The following PPP1R37 variants were observed in gnomAD, a reference collection of about 807,000 sequenced individuals.
PPP1R37 encodes the protein leucine rich repeat containing 68.
A neutral mutation model predicts 61.0 loss-of-function variants in PPP1R37; 21 were observed. The ratio of observed to expected loss-of-function variants is 0.34; its 90% CI spans 0.24 to 0.50. PPP1R37 has a LOEUF of 0.50. Among genes scored for constraint, PPP1R37 ranks in the 20% least tolerant of loss-of-function variants. The probability of loss-of-function intolerance (pLI) is 0.98; values close to 1 mark genes in which losing one functional copy is unlikely to be tolerated. For missense variants in PPP1R37, 910 were observed against 952.7 expected (o/e 0.96, Z 0.59); for synonymous variants, 443 against 433.5 (o/e 1.02, Z -0.27).
In PPP1R37 at chr19:45,121,369, T is replaced by G. The variant is rs946851675; in HGVS notation, c.203-17145T>G. Among the ~76,000 whole-genome samples the G allele has an allele frequency of 6.6e-6, 1 of 152,252 alleles. No individual in the cohort carries two copies. Among genetic ancestry groups the G allele is most frequent in the Non-Finnish European group, 1.5e-5 (1 of 68,046 alleles). On this transcript the variant is annotated intron_variant, in intron 1 of 12. Coordinates refer to ENST00000221462, the MANE Select transcript of PPP1R37 (RefSeq NM_019121.2). The surrounding 1 kb of genome is among the most constrained non-coding windows in gnomAD (Gnocchi z 4.2). Reference sequence around the variant, plus strand: ...TGGGAGGCAGTGCATGTGTCAGCCATGGCCCTCGGCTGTAAGCCCAGAAAC... The same window carrying G: ...TGGGAGGCAGTGCATGTGTCAGCCAGGGCCCTCGGCTGTAAGCCCAGAAAC...
Position 45,146,543 on chromosome 19 carries a change from GTC to G in PPP1R37, c.*9-23_*9-22del. Reference sequence around the variant, plus strand: ...GCTGAGAGAGCCTCTGGCTCTGACAGTCTCTCCCCCAATCTCTCCTCCCCAAG... The same window carrying G: ...GCTGAGAGAGCCTCTGGCTCTGACAGTCTCCCCCAATCTCTCCTCCCCAAG... On this transcript the variant is annotated intron_variant, in intron 12 of 12. Transcript: ENST00000221462. The G allele has an allele frequency of 3.3e-6, 4 of 1,210,996 alleles. No homozygotes were observed. The South Asian group carries it at 5.2e-5, about 16-fold the overall frequency. The allele number at this position is 1,210,996 out of a possible 1,614,324, so 75.0% of individuals were successfully genotyped here.
rs556508381 is a variant in PPP1R37, at chr19:45,146,747, C to G, written c.*185C>G. 2.4e-6 allele frequency: 1 copy of G among 409,480 alleles called. No homozygotes were observed. 25.4% of individuals were successfully genotyped at this position (409,480 alleles called of 1,614,324 possible). A position where few individuals can be genotyped will look rare whatever the true frequency, so the allele number is the denominator to read the frequency against. On this transcript the variant is annotated 3_prime_UTR_variant, in exon 13 of 13. Coordinates refer to ENST00000221462, the MANE Select transcript of PPP1R37 (RefSeq NM_019121.2). ...GAGCTACAGGGAGTGGCCCTCCGCGCGTGACTCAAGCACTTCTATTTATGA... is the reference window on the plus strand; with the variant it reads ...GAGCTACAGGGAGTGGCCCTCCGCGGGTGACTCAAGCACTTCTATTTATGA...
rs1185153667 is a variant in PPP1R37, at chr19:45,145,763, T to C, written c.1707T>C (p.Phe569=). 1.3e-6 allele frequency: 2 copies of C among 1,521,164 alleles called. No homozygotes were observed. Among genetic ancestry groups the C allele is most frequent in the Non-Finnish European group, 1.8e-6 (2 of 1,139,262 alleles). 94.2% of individuals were successfully genotyped at this position (1,521,164 alleles called of 1,614,324 possible). A position where few individuals can be genotyped will look rare whatever the true frequency, so the allele number is the denominator to read the frequency against. ...VSSPGRGHKV[F]VVTRVESPPE... ...GCCCGGGCCGGGGCCACAAGGTGTT[T>C]GTGGTGACCCGGGTGGAGAGCCCGC... The change falls in exon 11 of 13, where the codon TTT becomes TTC. Residue 569 remains phenylalanine, a synonymous_variant. Coordinates refer to ENST00000221462, the MANE Select transcript of PPP1R37 (RefSeq NM_019121.2).
intron 1 of PPP1R37, among the ~76,000 whole-genome samples, chr19:45,107,619 A>G (rs1415248157): frequency 6.6e-6 from 1 of 152,192 alleles, no homozygotes; most frequent in South Asian, 2.1e-4. Flanking sequence ...AAATAAGTAA[A>G]TGAATTGTTT....
chr19:45,135,100 T>G (rs369698117), intron 1 of PPP1R37, among the ~76,000 whole-genome samples: 2 of 152,114 alleles, frequency 1.3e-5, no homozygotes, highest in East Asian at 3.9e-4. Flanking sequence ...ATGCAAAAAT[T>G]AGCCAGGTGT....
At chr19:45,117,797 A>G (rs1968289544) in intron 1 of PPP1R37, among the ~76,000 whole-genome samples, 1 of 152,194 alleles carries the variant, frequency 6.6e-6, no homozygotes, top group African/African-American at 2.4e-5. Context: ...GAGGCCGCAG[A>G]GTTAGTCTTA....
At chr19:45,136,678 T>C (rs1268536879) in intron 1 of PPP1R37, among the ~76,000 whole-genome samples, 1 of 152,112 alleles carries the variant, frequency 6.6e-6, no homozygotes, top group Non-Finnish European at 1.5e-5. Context: ...GAGGAAGTGC[T>C]CAGGCAGGGA....
At chr19:45,136,944 G>A (rs1292589439) in intron 1 of PPP1R37, 1 of 152,260 alleles carries the variant, frequency 6.6e-6, no homozygotes, top group Non-Finnish European at 1.5e-5. Flanking sequence ...CTAGCAGGGT[G>A]GCAGGAGGAG....
In PPP1R37 at chr19:45,146,429, T is replaced by C. The variant is rs938965976; in HGVS notation, c.2033T>C (p.Leu678Pro). The C allele has an allele frequency of 2.0e-6, 3 of 1,535,842 alleles. No homozygotes were observed. The highest frequency in any genetic ancestry group is 1.7e-6 in the Non-Finnish European group (2 of 1,146,762). Residue 678 changes from leucine (L) to proline (P), a missense_variant, in exon 12 of 13, where the codon CTG (leucine) becomes CCG (proline). Coordinates refer to ENST00000221462, the MANE Select transcript of PPP1R37 (RefSeq NM_019121.2). ...CSKNEKELEE[L>P]LLEASQESGQ... Reference sequence around the variant, plus strand: ...AAGAACGAGAAGGAGCTCGAGGAGCTGCTTCTGGAAGCCAGTCAGGAATCC... The same window carrying C: ...AAGAACGAGAAGGAGCTCGAGGAGCCGCTTCTGGAAGCCAGTCAGGAATCC...
At position 45,146,008 on chromosome 19, in the gene PPP1R37, C is replaced by A. The variant is rs907389337; in HGVS notation, c.1952C>A (p.Pro651Gln). ...FALALPPEPP[P>Q]GPEVKGGSCG... ...CTGGCACTGCCCCCTGAGCCGCCCC[C>A]GGGGCCTGAGGTCAAGGGGGGCAGC... Residue 651 changes from proline to glutamine, a missense_variant, in exon 11 of 13, where the codon CCG (proline) becomes CAG (glutamine). Around this residue, in one of 3 missense-constraint regions of PPP1R37, gnomAD observed 549 missense variants for 505.1 expected, o/e 1.09. Transcript: ENST00000221462. The A allele has an allele frequency of 1.3e-6, 2 of 1,532,958 alleles. No homozygotes were observed. Among genetic ancestry groups the A allele is most frequent in the South Asian group, 2.4e-5 (2 of 83,784 alleles). 95.0% of individuals were successfully genotyped at this position (1,532,958 alleles called of 1,614,324 possible).
chr19:45,132,379 C>T (rs1460501681), intron 1 of PPP1R37, among the ~76,000 whole-genome samples: 2 of 151,966 alleles, frequency 1.3e-5, no homozygotes, highest in South Asian at 2.1e-4. Context: ...AATCACAGCT[C>T]ACTGCAGCCT....
chr19:45,135,838 A>C (rs1968533250), intron 1 of PPP1R37, among the ~76,000 whole-genome samples: 1 of 144,614 alleles, frequency 6.9e-6, no homozygotes, highest in Non-Finnish European at 1.5e-5. Context: ...GCTGGAGTGC[A>C]ATGGCGCGAT....
chr19:45,137,336 C>G (rs1968551501), intron 1 of PPP1R37, among the ~76,000 whole-genome samples: 1 of 152,258 alleles, frequency 6.6e-6, no homozygotes, highest in Non-Finnish European at 1.5e-5. Context: ...GGGACTGAAA[C>G]TCACGCTCAT....
intron 1 of PPP1R37, among the ~76,000 whole-genome samples, chr19:45,093,785 C>T (rs996483213): frequency 6.6e-6 from 1 of 152,032 alleles, no homozygotes; most frequent in Admixed American, 6.5e-5. Flanking sequence ...AAACGATGAG[C>T]AATTAAAGAA....
chr19:45,096,062 C>T (rs973412755), intron 1 of PPP1R37, among the ~76,000 whole-genome samples: 1 of 152,078 alleles, frequency 6.6e-6, no homozygotes, highest in African/African-American at 2.4e-5. Flanking sequence ...TAGGAGAGGA[C>T]TGGATGAAGT....
intron 11 of PPP1R37, 68 bp from the exon 12 acceptor site, chr19:45,146,322 C>A: frequency 7.0e-7 from 1 of 1,426,446 alleles, no homozygotes; most frequent in Non-Finnish European, 9.5e-7. Flanking sequence ...CTGGCTGGGG[C>A]CGGGCTGGGG....
intron 4 of PPP1R37, 31 bp downstream of exon 4, chr19:45,140,637 C>T (rs1331684420): frequency 9.4e-6 from 14 of 1,491,360 alleles, no homozygotes; most frequent in Admixed American, 3.9e-5. Flanking sequence ...CCACTTGGCT[C>T]CCTGAGCTCC....
At chr19:45,140,411 CCTGGT>C in intron 3 of PPP1R37, 90 bp from the exon 4 acceptor site, 1 of 974,822 alleles carries the variant, frequency 1.0e-6, no homozygotes, top group Non-Finnish European at 1.5e-6. Flanking sequence ...AGGGGCTGGG[CCTGGT>C]GGGGGGTGGG....
intron 1 of PPP1R37, among the ~76,000 whole-genome samples, chr19:45,113,382 G>T (rs1409204812): frequency 6.6e-6 from 1 of 152,212 alleles, no homozygotes. Flanking sequence ...TGAGCCCTCC[G>T]TGCATCAGCT....
Sources: allele counts gnomAD v4.1 joint callset (sites outside exome capture counted in the v4.1 genomes callset), GRCh38; gene constraint gnomAD v4.1.1; regional missense constraint gnomAD v4.1.1; non-coding constraint Gnocchi (gnomAD v3.1); transcripts MANE v1.5; gene names NCBI Gene and HGNC (gene_info 2026-07-23, HGNC 2026-07-21).